ADAM10: variants seen among roughly 807,000 people sequenced by gnomAD.
ADAM10 encodes the protein disintegrin and metalloproteinase domain-containing protein 10.
Under a neutral mutation model 90.1 loss-of-function variants are expected in ADAM10, and 17 were observed. The ratio of observed to expected loss-of-function variants is 0.19; its 90% CI spans 0.13 to 0.28. ADAM10 has a LOEUF of 0.28. ADAM10 is among the 10% of genes least tolerant of loss of function. ADAM10 has a pLI of 1.00. For synonymous variants in ADAM10, 310 were observed against 298.6 expected, an observed-to-expected ratio of 1.04 and a Z score of -0.40; for missense variants, 610 against 914.3, an observed-to-expected ratio of 0.67 and a Z score of 4.29.
In ADAM10 at chr15:58,621,632, TA is replaced by T; in HGVS notation, c.1361-12del. 6.2e-7 allele frequency: 1 copy of T among 1,613,626 alleles called. No homozygotes were observed. On this transcript the variant is annotated splice_polypyrimidine_tract_variant and intron_variant, in intron 10 of 15. Coordinates refer to ENST00000260408, the MANE Select transcript of ADAM10 (RefSeq NM_001110.4). ...TAGGTTGGCCAGATTCTGAGGAAAA[TA>T]AACAAGACAAAGTAAGCATTGTGTG...
At chr15:58,688,786 ATCTCTC>A (rs1176204968) in intron 2 of ADAM10, among the ~76,000 whole-genome samples, 6 of 122,388 alleles carry the variant, frequency 4.9e-5, no homozygotes, top group African/African-American at 2.2e-4. Flanking sequence ...ATATATATAT[ATCTCTC>A]TCTCTCACTG....
intron 2 of ADAM10, among the ~76,000 whole-genome samples, chr15:58,701,831 A>G (rs1255356563): frequency 2.0e-5 from 3 of 152,108 alleles, no homozygotes; most frequent in African/African-American, 7.2e-5. Context: ...TAAGGCCCGG[A>G]GCAGTGACTC....
chr15:58,630,995 A>G (rs1896084639), intron 9 of ADAM10, among the ~76,000 whole-genome samples: 1 of 151,642 alleles, frequency 6.6e-6, no homozygotes, highest in East Asian at 1.9e-4. Flanking sequence ...GTGCATTCTC[A>G]CTCTCTTAGT....
intron 14 of ADAM10, among the ~76,000 whole-genome samples, chr15:58,601,347 ACT>A (rs1895103623): frequency 6.6e-6 from 1 of 151,938 alleles, no homozygotes; most frequent in African/African-American, 2.4e-5. Flanking sequence ...CTGTAATTCC[ACT>A]ATTAAGGAGG....
In ADAM10 at chr15:58,599,550, A is replaced by C. The variant is rs150973637; in HGVS notation, c.2152+48T>G. The C allele has an allele frequency of 9.9e-5, 159 of 1,598,306 alleles. No homozygotes were observed. In the Admixed American group the frequency reaches 1.2e-3, roughly 12 times the overall value. On this transcript the variant is annotated intron_variant, in intron 15 of 15. Coordinates refer to ENST00000260408, the MANE Select transcript of ADAM10 (RefSeq NM_001110.4). The stretch of plus-strand genomic sequence containing the variant: ...CATTTATAATTCAATTCTACCTGCT[A>C]AACAATTCTGAGTTACATAAATATG...
chr15:58,685,417 C>T (rs1373616250), intron 2 of ADAM10, among the ~76,000 whole-genome samples: 1 of 151,050 alleles, frequency 6.6e-6, no homozygotes, highest in African/African-American at 2.4e-5. Flanking sequence ...GAGCCGAGAT[C>T]ACGCCACTGC....
intron 1 of ADAM10, among the ~76,000 whole-genome samples, chr15:58,719,139 C>A (rs1183609980): frequency 6.6e-6 from 1 of 152,144 alleles, no homozygotes; most frequent in East Asian, 1.9e-4. Flanking sequence ...GCCTGACCAA[C>A]ATGGTGAAAC....
At chr15:58,637,189 T>C (rs1421553279) in intron 8 of ADAM10, among the ~76,000 whole-genome samples, 1 of 152,206 alleles carries the variant, frequency 6.6e-6, no homozygotes, top group African/African-American at 2.4e-5. Context: ...CTAAAACATC[T>C]AATCTAAAGA....
chr15:58,714,849 G>C (rs1264990004), intron 2 of ADAM10, among the ~76,000 whole-genome samples: 2 of 152,090 alleles, frequency 1.3e-5, no homozygotes, highest in African/African-American at 4.8e-5. Flanking sequence ...TTAGACGATA[G>C]AAGAGGAAGA....
At chr15:58,649,554 G>C (rs1456721176) in intron 5 of ADAM10, among the ~76,000 whole-genome samples, 11 of 152,106 alleles carry the variant, frequency 7.2e-5, no homozygotes, top group Admixed American at 7.2e-4. Context: ...ATTTTACTTT[G>C]ATCTATTCTT....
chr15:58,700,179 A>G (rs1898091697), intron 2 of ADAM10, among the ~76,000 whole-genome samples: 1 of 152,196 alleles, frequency 6.6e-6, no homozygotes. Flanking sequence ...TCAGCATTAA[A>G]CAGATCTAGA....
chr15:58,604,588 A>C (rs375834785), intron 14 of ADAM10, among the ~76,000 whole-genome samples: 1 of 152,222 alleles, frequency 6.6e-6, no homozygotes, highest in Non-Finnish European at 1.5e-5. Flanking sequence ...CAAGTAAGTC[A>C]TTATTTAAAT....
chr15:58,667,335 C>T (rs2140731783), intron 4 of ADAM10, among the ~76,000 whole-genome samples: 1 of 152,276 alleles, frequency 6.6e-6, no homozygotes, highest in South Asian at 2.1e-4. Context: ...ATCATCCACT[C>T]TTTCAAGGAG....
intron 1 of ADAM10, among the ~76,000 whole-genome samples, chr15:58,729,572 G>A (rs768734825): frequency 8.5e-5 from 13 of 152,210 alleles, no homozygotes; most frequent in Non-Finnish European, 1.3e-4. Context: ...CAGAAATTCC[G>A]TGACTTCTAC....
chr15:58,695,282 T>C (rs1372739077), intron 2 of ADAM10, among the ~76,000 whole-genome samples: 2 of 152,140 alleles, frequency 1.3e-5, no homozygotes, highest in Non-Finnish European at 2.9e-5. Context: ...ACACATCTTC[T>C]AAATGAGAAC....
intron 2 of ADAM10, among the ~76,000 whole-genome samples, chr15:58,696,850 T>C (rs991405308): frequency 2.0e-5 from 3 of 152,004 alleles, no homozygotes; most frequent in Non-Finnish European, 4.4e-5. Flanking sequence ...TCATGAACGG[T>C]CCCCTCCACT....
chr15:58,639,609 T>C (rs1391358066), intron 8 of ADAM10, among the ~76,000 whole-genome samples: 1 of 151,986 alleles, frequency 6.6e-6, no homozygotes, highest in African/African-American at 2.4e-5. Flanking sequence ...AAGACAAATA[T>C]CCAAAAGTAC....
chr15:58,716,131 A>C (rs1898650886), intron 2 of ADAM10, among the ~76,000 whole-genome samples: 1 of 152,208 alleles, frequency 6.6e-6, no homozygotes, highest in African/African-American at 2.4e-5. Context: ...TGTAATACGG[A>C]AAATACATTA....
At chr15:58,728,597 A>G (rs1390661261) in intron 1 of ADAM10, among the ~76,000 whole-genome samples, 2 of 151,730 alleles carry the variant, frequency 1.3e-5, no homozygotes, top group African/African-American at 2.4e-5. Flanking sequence ...AAAAGAAAAG[A>G]AAAAAGAAAA....
Sources: allele counts gnomAD v4.1 joint callset (sites outside exome capture counted in the v4.1 genomes callset), GRCh38; gene constraint gnomAD v4.1.1; transcripts MANE v1.5; gene names NCBI Gene and HGNC (gene_info 2026-07-23, HGNC 2026-07-21).